Variants in ZNF160 observed in about 807,000 individuals in gnomAD.
ZNF160 encodes zinc finger protein 160, also known as KRAB zinc finger protein KR18.
ZNF160 carries 9 observed loss-of-function variants against 13.1 expected under a neutral mutation model. The ratio of observed to expected loss-of-function variants is 0.69; its 90% CI spans 0.41 to 1.20. The LOEUF (loss-of-function observed/expected upper bound fraction) is 1.20, where lower values mean the gene tolerates loss of function less well. ZNF160 is among the 50% of genes most tolerant of loss of function. The pLI is 0.01. For missense variants in ZNF160, 838 were observed against 988.0 expected (o/e 0.85, Z 2.04); for synonymous variants, 293 against 333.2 (o/e 0.88, Z 1.31).
intron 2 of ZNF160, among the ~76,000 whole-genome samples, chr19:53,088,532 A>G (rs1568497444): frequency 6.6e-6 from 1 of 152,074 alleles, no homozygotes; most frequent in Non-Finnish European, 1.5e-5. Flanking sequence ...AAAAAAAAAA[A>G]GAATTGAAGA....
At chr19:53,083,384 T>C (rs1369559440) in intron 3 of ZNF160, among the ~76,000 whole-genome samples, 2 of 152,076 alleles carry the variant, frequency 1.3e-5, no homozygotes, top group Non-Finnish European at 2.9e-5. Flanking sequence ...CTTAGGAAAC[T>C]CTATAGATTT....
chr19:53,085,823 A>G (rs1274392541), intron 3 of ZNF160: 1 of 488,066 alleles, frequency 2.0e-6, no homozygotes, highest in Non-Finnish European at 3.6e-6. Flanking sequence ...TCGGCTTCAA[A>G]TGCAGTTACC....
At chr19:53,087,933 G>A (rs1251798871) in intron 2 of ZNF160, among the ~76,000 whole-genome samples, 1 of 152,224 alleles carries the variant, frequency 6.6e-6, no homozygotes, top group Non-Finnish European at 1.5e-5. Context: ...ACTAGACACA[G>A]GATTCTAGAC....
Position 53,081,421 on chromosome 19 carries a change from A to C in ZNF160, c.15+4841T>G, listed in dbSNP as rs576774967. On this transcript the variant is annotated intron_variant, in intron 3 of 5. Coordinates refer to ENST00000683776, the MANE Select transcript of ZNF160 (RefSeq NM_001322131.2). Reference sequence around the variant, plus strand: ...AAACATAAGCAAATCAACAAGAAGAAGACAAATCACCCCACTAAAAAGTGG... The same window carrying C: ...AAACATAAGCAAATCAACAAGAAGACGACAAATCACCCCACTAAAAAGTGG... Among the ~76,000 whole-genome samples, 14 of 152,274 alleles carry C rather than the reference A, an allele frequency of 9.2e-5. No individual in the cohort carries two copies. In the East Asian group the frequency reaches 1.4e-3, roughly 15 times the overall value.
intron 5 of ZNF160, chr19:53,073,475 G>C: frequency 6.3e-7 from 1 of 1,598,208 alleles, no homozygotes; most frequent in Admixed American, 1.7e-5. Flanking sequence ...AGATGCCAAG[G>C]AGCAGCAGCC....
chr19:53,074,950 G>GACTTC lies in ZNF160; in HGVS notation c.142+102_142+106dup, dbSNP rs1753234625. On this transcript the variant is annotated intron_variant, in intron 4 of 5. Coordinates refer to ENST00000683776, the MANE Select transcript of ZNF160 (RefSeq NM_001322131.2). ...AAGCTTTCCATTTCAGAGTCAACAG[G>GACTTC]ACTTCAATCTCAGTCAAGCAATGCA... The GACTTC allele has an allele frequency of 2.1e-6, 3 of 1,456,332 alleles. No homozygotes were observed. The Admixed American group carries it at 5.2e-5, about 25-fold the overall frequency. 90.2% of individuals were successfully genotyped at this position (1,456,332 alleles called of 1,614,324 possible).
chr19:53,079,272 C>T (rs939184265), intron 3 of ZNF160, among the ~76,000 whole-genome samples: 6 of 151,500 alleles, frequency 4.0e-5, no homozygotes, highest in East Asian at 1.9e-4. Flanking sequence ...CTCAACAATT[C>T]GGGCACGGTG....
chr19:53,069,115 G>A lies in ZNF160; in HGVS notation c.1419C>T (p.Val473=). ...TGAAAGGTTTTGTTCCAGTATGGAT[G>A]ACCTGATGGGTAGCTAGGTTTGAAT... ...SMHSNLATHQ[V]IHTGTKPFKC... is the part of the protein sequence containing the mutation. The change falls in exon 6 of 6, where the codon GTC becomes GTT. Residue 473 remains valine (V), a synonymous_variant. Transcript: ENST00000683776. This position sits in a 1 kb window ranked among gnomAD's most constrained non-coding sequence, Gnocchi z 4.4. 6.2e-7 allele frequency: 1 copy of A among 1,613,988 alleles called. No individual in the cohort carries two copies. Among genetic ancestry groups the A allele is most frequent in the Non-Finnish European group, 8.5e-7 (1 of 1,179,998 alleles).
At chr19:53,076,499 C>A (rs913268522) in intron 3 of ZNF160, among the ~76,000 whole-genome samples, 1 of 152,032 alleles carries the variant, frequency 6.6e-6, no homozygotes, top group Non-Finnish European at 1.5e-5. Flanking sequence ...ATTAGCCAGG[C>A]GTGGTGGCAG....
intron 1 of ZNF160, among the ~76,000 whole-genome samples, chr19:53,101,655 C>T (rs2085450776): frequency 6.6e-6 from 1 of 152,162 alleles, no homozygotes; most frequent in Admixed American, 6.5e-5. Context: ...AGGCACCAGG[C>T]AGTGACACAG....
In ZNF160 at chr19:53,086,339, A is replaced by G; in HGVS notation, c.-45-18T>C. ...ACTTCTTCCTTGGGTAACATAAAAG[A>G]GTCTTTAGAAGTCAATACTGAATAT... is the stretch of plus-strand genomic sequence containing the variant. On this transcript the variant is annotated intron_variant, in intron 2 of 5. Transcript: ENST00000683776. 6.5e-7 allele frequency: 1 copy of G among 1,542,272 alleles called. No homozygotes were observed.
chr19:53,097,387 T>C (rs1867053), intron 1 of ZNF160, among the ~76,000 whole-genome samples: 111,744 of 148,486 alleles, frequency 0.75, 41,858 homozygotes, highest in Admixed American at 0.81. Context: ...ATTCTTAGGA[T>C]CCCCGTTGCC....
chr19:53,072,879 T>G lies in ZNF160; in HGVS notation c.271+1261A>C, dbSNP rs1346780922. On this transcript the variant is annotated intron_variant, in intron 5 of 5. Transcript: ENST00000683776. Reference sequence around the variant, plus strand: ...AAAAAAATTATTGTCCGTGGAATAATAAACAGTTTTGTCTTAAGAGAAAGA... The same window carrying G: ...AAAAAAATTATTGTCCGTGGAATAAGAAACAGTTTTGTCTTAAGAGAAAGA... 6 of 770,140 alleles carry G rather than the reference T, an allele frequency of 7.8e-6. No individual in the cohort carries two copies. The African/African-American group carries it at 9.5e-5, about 12-fold the overall frequency. The allele number at this position is 770,140 out of a possible 1,614,324, so 47.7% of individuals were successfully genotyped here.
intron 2 of ZNF160, among the ~76,000 whole-genome samples, chr19:53,087,604 G>A (rs1310183908): frequency 6.6e-6 from 1 of 152,166 alleles, no homozygotes; most frequent in African/African-American, 2.4e-5. Context: ...AGGCTGGAGT[G>A]CAGTAGCGTG....
chr19:53,098,380 T>C (rs1469229697), intron 1 of ZNF160, among the ~76,000 whole-genome samples: 1 of 152,152 alleles, frequency 6.6e-6, no homozygotes, highest in East Asian at 1.9e-4. Context: ...GAAAGGCCTC[T>C]GGACACAAGC....
intron 3 of ZNF160, chr19:53,085,809 T>C (rs1247046946): frequency 2.1e-6 from 1 of 478,126 alleles, no homozygotes; most frequent in East Asian, 3.3e-5. Context: ...AATGACTCAC[T>C]TGTTCGGCTT....
intron 2 of ZNF160, among the ~76,000 whole-genome samples, chr19:53,087,687 A>G (rs2084892895): frequency 6.6e-6 from 1 of 152,118 alleles, no homozygotes; most frequent in Non-Finnish European, 1.5e-5. Flanking sequence ...AGTAGCTGGG[A>G]TTACAGGCGC....
chr19:53,087,010 G>A (rs1051627833), intron 2 of ZNF160, among the ~76,000 whole-genome samples: 4 of 152,190 alleles, frequency 2.6e-5, no homozygotes, highest in Non-Finnish European at 5.9e-5. Flanking sequence ...GGGTGAAGGT[G>A]GGCCTGCAAT....
At chr19:53,084,448 A>C (rs1327642928) in intron 3 of ZNF160, among the ~76,000 whole-genome samples, 1 of 152,238 alleles carries the variant, frequency 6.6e-6, no homozygotes, top group Non-Finnish European at 1.5e-5. Flanking sequence ...CTCTGCAAGC[A>C]GCGAGCAACT....
Sources: gnomAD v4.1 joint callset for allele counts (sites outside exome capture counted in the v4.1 genomes callset) on GRCh38, gnomAD v4.1.1 for gene constraint, Gnocchi (gnomAD v3.1) non-coding constraint, MANE v1.5 for transcripts, NCBI Gene and HGNC (gene_info 2026-07-23, HGNC 2026-07-21) for gene names.